The following FSTL5 variants were observed in gnomAD, a reference collection of about 807,000 sequenced individuals.
FSTL5 encodes follistatin like 5, also known as follistatin-related protein 5.
A neutral mutation model predicts 89.1 loss-of-function variants in FSTL5; 62 were observed. The observed-to-expected ratio is 0.70, with a 90% CI of 0.57 to 0.86. The LOEUF is 0.86. Among genes scored for constraint, FSTL5 ranks in the 40% least tolerant of loss-of-function variants. FSTL5 has a pLI of 0.00. For missense variants in FSTL5, 1,057 were observed against 1,001.6 expected (o/e 1.06, Z -0.75); for synonymous variants, 383 against 346.2 (o/e 1.11, Z -1.18).
At chr4:161,582,422 T>C (rs1473345106) in intron 8 of FSTL5, among the ~76,000 whole-genome samples, 1 of 152,220 alleles carries the variant, frequency 6.6e-6, no homozygotes, top group Admixed American at 6.5e-5. Context: ...TGTTGTATTT[T>C]TATCCAGTAT....
chr4:161,790,561 G>T (rs1729434705), intron 4 of FSTL5, among the ~76,000 whole-genome samples: 1 of 152,126 alleles, frequency 6.6e-6, no homozygotes, highest in African/African-American at 2.4e-5. Flanking sequence ...CTAATGAGGG[G>T]ATTTTTCATG....
At chr4:161,587,405 T>G in intron 8 of FSTL5, 50 bp downstream of exon 8, 1 of 1,587,442 alleles carries the variant, frequency 6.3e-7, no homozygotes, top group Non-Finnish European at 8.6e-7. Flanking sequence ...CACTTCCTAG[T>G]AAACTATGGT....
intron 2 of FSTL5, among the ~76,000 whole-genome samples, chr4:162,050,484 T>A (rs1738343554): frequency 6.7e-6 from 1 of 150,356 alleles, no homozygotes; most frequent in Non-Finnish European, 1.5e-5. Context: ...AGTTCTGAAC[T>A]ATTTCTATTT....
intron 3 of FSTL5, among the ~76,000 whole-genome samples, chr4:161,961,635 C>T (rs1467039337): frequency 6.6e-6 from 1 of 151,292 alleles, no homozygotes; most frequent in Non-Finnish European, 1.5e-5. Context: ...AATTGGAATT[C>T]TTTAAAATTA....
At chr4:161,842,226 G>T (rs1284037362) in intron 4 of FSTL5, among the ~76,000 whole-genome samples, 3 of 152,068 alleles carry the variant, frequency 2.0e-5, no homozygotes, top group Non-Finnish European at 4.4e-5. Context: ...ATCTATGATT[G>T]TACCAAGTTG....
intron 4 of FSTL5, among the ~76,000 whole-genome samples, chr4:161,791,608 C>G (rs1469610245): frequency 6.6e-6 from 1 of 152,150 alleles, no homozygotes; most frequent in Non-Finnish European, 1.5e-5. Flanking sequence ...CCGTGGGTCA[C>G]AGTCTTTGGA....
rs190881939 is a variant in FSTL5, at chr4:161,862,938, T to C, written c.409+57466A>G. On this transcript the variant is annotated intron_variant, in intron 4 of 15. Transcript: ENST00000306100. ...GTTCTCCATTAAGTATAAAATATTC[T>C]CCTCATCAAATATCAGTGATAACAT... is the stretch of plus-strand genomic sequence containing the variant. 2.4e-3 allele frequency among the ~76,000 whole-genome samples: 365 copies of C among 152,274 alleles called. 2 individuals are homozygous for C. The highest frequency in any genetic ancestry group is 8.3e-3 in the African/African-American group (345 of 41,556).
chr4:161,942,954 G>A (rs1454043794), intron 3 of FSTL5, among the ~76,000 whole-genome samples: 1 of 152,096 alleles, frequency 6.6e-6, no homozygotes, highest in East Asian at 1.9e-4. Context: ...ATCAATTAGT[G>A]TTAATAAGCC....
At chr4:161,401,835 G>A (rs1265868335) in intron 15 of FSTL5, among the ~76,000 whole-genome samples, 4 of 151,994 alleles carry the variant, frequency 2.6e-5, no homozygotes. Flanking sequence ...CCTATACCTA[G>A]ATTGTTTATA....
intron 3 of FSTL5, among the ~76,000 whole-genome samples, chr4:162,025,180 T>C (rs1209443670): frequency 2.6e-5 from 4 of 152,108 alleles, no homozygotes; most frequent in African/African-American, 9.7e-5. Flanking sequence ...TACTTAATAT[T>C]GGTAGGTCAG....
chr4:162,097,269 ATT>A (rs34153588), intron 2 of FSTL5, among the ~76,000 whole-genome samples: 2 of 150,490 alleles, frequency 1.3e-5, no homozygotes, highest in South Asian at 4.2e-4. Flanking sequence ...AGGAATTTCC[ATT>A]TTTTTTTAGC....
At chr4:161,943,976 T>C (rs1229024255) in intron 3 of FSTL5, among the ~76,000 whole-genome samples, 1 of 152,132 alleles carries the variant, frequency 6.6e-6, no homozygotes, top group Non-Finnish European at 1.5e-5. Flanking sequence ...TTTTCCTAGT[T>C]CTCTTTTGAT....
At chr4:161,811,188 G>A (rs1730134568) in intron 4 of FSTL5, among the ~76,000 whole-genome samples, 1 of 151,984 alleles carries the variant, frequency 6.6e-6, no homozygotes, top group Non-Finnish European at 1.5e-5. Context: ...AGTGAGAGGA[G>A]CAAAAAACAA....
At chr4:161,686,845 G>T (rs1053223407) in intron 6 of FSTL5, among the ~76,000 whole-genome samples, 2 of 152,002 alleles carry the variant, frequency 1.3e-5, no homozygotes, top group Non-Finnish European at 2.9e-5. Flanking sequence ...ATTCCTAAAA[G>T]TAGAATATGT....
At chr4:162,113,372 T>C (rs1279907395) in intron 1 of FSTL5, among the ~76,000 whole-genome samples, 1 of 152,082 alleles carries the variant, frequency 6.6e-6, no homozygotes, top group Admixed American at 6.5e-5. Flanking sequence ...CCCCTCCAAA[T>C]TGACGGTCCC....
At chr4:161,533,702 G>T (rs1304267111) in intron 10 of FSTL5, among the ~76,000 whole-genome samples, 2 of 151,962 alleles carry the variant, frequency 1.3e-5, no homozygotes, top group Non-Finnish European at 2.9e-5. Flanking sequence ...GAGGAGGAGG[G>T]CCTTCTCTCT....
chr4:161,833,218 T>A (rs1730907935), intron 4 of FSTL5, among the ~76,000 whole-genome samples: 1 of 152,144 alleles, frequency 6.6e-6, no homozygotes, highest in Admixed American at 6.5e-5. Context: ...TCCTGAGTTC[T>A]AGTTTGATTG....
intron 1 of FSTL5, among the ~76,000 whole-genome samples, chr4:162,123,514 C>T (rs1731950191): frequency 6.6e-6 from 1 of 152,136 alleles, no homozygotes; most frequent in South Asian, 2.1e-4. Flanking sequence ...ATCAAAGTCT[C>T]CATGTTTTCT....
Position 161,596,071 on chromosome 4 carries a change from A to T in FSTL5, c.895-8496T>A, listed in dbSNP as rs1578954023. Among the ~76,000 whole-genome samples the T allele has an allele frequency of 2.0e-5, 3 of 152,052 alleles. No homozygotes were observed. The South Asian group carries it at 6.2e-4, about 32-fold the overall frequency. ...CAAAATATATTTTCATAAAATAACA[A>T]TAAAATAAATCTAAGCAAACTTCTA... On this transcript the variant is annotated intron_variant, in intron 7 of 15. Coordinates refer to ENST00000306100, the MANE Select transcript of FSTL5 (RefSeq NM_020116.5).
Sources: gnomAD v4.1 joint callset for allele counts (sites outside exome capture counted in the v4.1 genomes callset) on GRCh38, gnomAD v4.1.1 for gene constraint, MANE v1.5 for transcripts, NCBI Gene and HGNC (gene_info 2026-07-23, HGNC 2026-07-21) for gene names.